PGR: variants seen among roughly 807,000 people sequenced by gnomAD.
PGR encodes nuclear receptor subfamily 3 group C member 3.
A neutral mutation model predicts 76.1 loss-of-function variants in PGR; 25 were observed. That is an observed-to-expected ratio of 0.33 (90% CI 0.24 to 0.46). PGR has a LOEUF of 0.46. Among genes scored for constraint, PGR ranks in the 20% least tolerant of loss-of-function variants. The pLI is 1.00. For synonymous variants in PGR, 579 were observed against 535.0 expected, an observed-to-expected ratio of 1.08 and a Z score of -1.14; for missense variants, 1,172 against 1,225.3, an observed-to-expected ratio of 0.96 and a Z score of 0.65.
intron 2 of PGR, among the ~76,000 whole-genome samples, chr11:101,097,499 C>A (rs936498396): frequency 1.3e-5 from 2 of 152,202 alleles, no homozygotes; most frequent in Non-Finnish European, 2.9e-5. Flanking sequence ...ATACTTTTAA[C>A]TCTTGTGTAA....
chr11:101,082,120 C>T (rs1464941936), intron 3 of PGR, among the ~76,000 whole-genome samples: 1 of 148,734 alleles, frequency 6.7e-6, no homozygotes, highest in Non-Finnish European at 1.5e-5. Flanking sequence ...GGCACTTCCC[C>T]TCTCACTCTC....
At chr11:101,116,350 G>T (rs956259883) in intron 2 of PGR, among the ~76,000 whole-genome samples, 1 of 152,194 alleles carries the variant, frequency 6.6e-6, no homozygotes, top group Admixed American at 6.5e-5. Flanking sequence ...GACACCATTA[G>T]GGCAGCAGAG....
chr11:101,056,099 A>G (rs1860279423), intron 4 of PGR, among the ~76,000 whole-genome samples: 1 of 152,166 alleles, frequency 6.6e-6, no homozygotes, highest in East Asian at 1.9e-4. Flanking sequence ...ATGCTGAAAC[A>G]AAGATGGGAA....
At chr11:101,046,111 A>T (rs1382595171) in intron 6 of PGR, among the ~76,000 whole-genome samples, 6 of 134,124 alleles carry the variant, frequency 4.5e-5, no homozygotes, top group Non-Finnish European at 7.8e-5. Flanking sequence ...TAATTTATTT[A>T]TTTTTATTTA....
chr11:101,085,575 A>G (rs1861471666), intron 3 of PGR, among the ~76,000 whole-genome samples: 1 of 149,778 alleles, frequency 6.7e-6, no homozygotes, highest in African/African-American at 2.4e-5. Flanking sequence ...CCCTAAAGCT[A>G]GCAGAAGAAA....
intron 6 of PGR, among the ~76,000 whole-genome samples, chr11:101,046,879 G>C (rs504372): frequency 0.28 from 41,938 of 151,554 alleles, 6,037 homozygotes; most frequent in African/African-American, 0.38. Context: ...CTTCTCCCAT[G>C]CTGTATTAAT....
intron 6 of PGR, among the ~76,000 whole-genome samples, chr11:101,048,705 G>A (rs1410745630): frequency 1.3e-5 from 2 of 152,112 alleles, no homozygotes; most frequent in Non-Finnish European, 2.9e-5. Context: ...AGAATGTGAA[G>A]GCCTAGGACA....
At chr11:101,088,664 C>A (rs1272350022) in intron 3 of PGR, among the ~76,000 whole-genome samples, 5 of 152,138 alleles carry the variant, frequency 3.3e-5, no homozygotes, top group Admixed American at 3.3e-4. Context: ...TACCATTAGA[C>A]CAGCAATCCC....
Position 101,129,751 on chromosome 11 carries a change from G to A in PGR, c.-681C>T, listed in dbSNP as rs150414448. On this transcript the variant is annotated 5_prime_UTR_variant, in exon 1 of 8. Coordinates refer to ENST00000325455, the MANE Select transcript of PGR (RefSeq NM_000926.4). The stretch of plus-strand genomic sequence containing the variant: ...ATGACAAGTGAAGCTAGTTCTCATT[G>A]AGAATGCCACCCACACGCACAAATA... The A allele has an allele frequency of 1.4e-3, 258 of 180,144 alleles. 1 individual carries two copies. In the Middle Eastern group the frequency reaches 0.038, roughly 27 times the overall value. The allele number at this position is 180,144 out of a possible 1,614,324, so 11.2% of individuals were successfully genotyped here.
At chr11:101,080,534 C>G (rs1195662963) in intron 3 of PGR, among the ~76,000 whole-genome samples, 3 of 151,862 alleles carry the variant, frequency 2.0e-5, no homozygotes, top group Non-Finnish European at 2.9e-5. Context: ...CCAATGTCTC[C>G]AGATGAGAAG....
In PGR at chr11:101,076,919, A is replaced by ATTTTTTTT. The variant is rs59106149; in HGVS notation, c.1907-14175_1907-14168dup. Reference sequence around the variant, plus strand: ...CTATTTTTTTAAAACTACAAATGGAATTTTTTTTTTTTTTTTTTTTTTTTT... The same window carrying ATTTTTTTT: ...CTATTTTTTTAAAACTACAAATGGAATTTTTTTTTTTTTTTTTTTTTTTTTTTTTTTTT... On this transcript the variant is annotated intron_variant, in intron 3 of 7. Coordinates refer to ENST00000325455, the MANE Select transcript of PGR (RefSeq NM_000926.4). Among the ~76,000 whole-genome samples, 5 of 65,156 alleles carry ATTTTTTTT rather than the reference A, an allele frequency of 7.7e-5. 1 individual carries two copies. The highest frequency in any genetic ancestry group is 1.2e-4 in the African/African-American group (2 of 17,258). 42.7% of individuals were successfully genotyped at this position (65,156 alleles called of 152,430 possible).
intron 5 of PGR, among the ~76,000 whole-genome samples, chr11:101,050,676 T>G (rs10895055): frequency 1.3e-5 from 2 of 152,044 alleles, no homozygotes; most frequent in East Asian, 3.8e-4. Context: ...ATTAGTCAAA[T>G]GAAGCTAACA....
At chr11:101,045,971 T>G (rs545132185) in intron 6 of PGR, among the ~76,000 whole-genome samples, 128 of 152,194 alleles carry the variant, frequency 8.4e-4, no homozygotes, top group African/African-American at 2.9e-3. Context: ...CAAATAGCAG[T>G]CATTTCAAAC....
intron 2 of PGR, among the ~76,000 whole-genome samples, chr11:101,117,601 T>G (rs1254822059): frequency 6.6e-6 from 1 of 152,078 alleles, no homozygotes; most frequent in African/African-American, 2.4e-5. Context: ...ACTTTTAGGT[T>G]TCTTTTCTTC....
At chr11:101,069,952 A>G (rs943550239) in intron 3 of PGR, among the ~76,000 whole-genome samples, 5 of 151,928 alleles carry the variant, frequency 3.3e-5, no homozygotes, top group East Asian at 1.9e-4. Context: ...ATGTATATCT[A>G]TGTAACAAAC....
intron 3 of PGR, among the ~76,000 whole-genome samples, chr11:101,072,769 A>G (rs1360701620): frequency 1.3e-5 from 2 of 152,208 alleles, no homozygotes; most frequent in Non-Finnish European, 2.9e-5. Flanking sequence ...CAACAAGAAG[A>G]GCTGACTATC....
chr11:101,105,295 G>A (rs1054074355), intron 2 of PGR, among the ~76,000 whole-genome samples: 5 of 152,070 alleles, frequency 3.3e-5, no homozygotes, highest in Non-Finnish European at 7.4e-5. Flanking sequence ...TCTAAGTCGA[G>A]GGCAGACTCT....
intron 2 of PGR, among the ~76,000 whole-genome samples, chr11:101,123,810 G>T (rs1454218620): frequency 6.6e-6 from 1 of 152,134 alleles, no homozygotes; most frequent in East Asian, 1.9e-4. Flanking sequence ...GCTTACTTGG[G>T]CATTTACTGA....
At chr11:101,090,571 C>G (rs932306618) in intron 3 of PGR, among the ~76,000 whole-genome samples, 3 of 152,100 alleles carry the variant, frequency 2.0e-5, no homozygotes, top group African/African-American at 4.8e-5. Flanking sequence ...TGAGTTGAAA[C>G]AGAAATACAA....
Sources: allele counts gnomAD v4.1 joint callset (sites outside exome capture counted in the v4.1 genomes callset), GRCh38; gene constraint gnomAD v4.1.1; transcripts MANE v1.5; gene names NCBI Gene and HGNC (gene_info 2026-07-23, HGNC 2026-07-21).